CPNE8: variants seen among roughly 807,000 people sequenced by gnomAD.
CPNE8 encodes the protein copine 8.
In CPNE8, 45 loss-of-function variants were observed where a neutral mutation model predicts 81.5. The observed-to-expected ratio is 0.55, with a 90% CI of 0.44 to 0.71. The LOEUF (loss-of-function observed/expected upper bound fraction) is 0.71, where lower values mean the gene tolerates loss of function less well. Ranked by LOEUF, CPNE8 falls within the 30% of genes least tolerant of loss-of-function variation. The pLI is 0.00. For synonymous variants in CPNE8, 252 were observed against 226.3 expected, an observed-to-expected ratio of 1.11 and a Z score of -1.02; for missense variants, 594 against 672.1, an observed-to-expected ratio of 0.88 and a Z score of 1.28.
chr12:38,698,553 T>A (rs533195616), intron 14 of CPNE8, among the ~76,000 whole-genome samples: 31 of 152,346 alleles, frequency 2.0e-4, no homozygotes, highest in Middle Eastern at 3.4e-3. Context: ...CATTTAAGTA[T>A]TTGATCCATT....
At position 38,871,656 on chromosome 12, in the gene CPNE8, G is replaced by T. The variant is rs143313133; in HGVS notation, c.186+1348C>A. 8.3e-4 allele frequency among the ~76,000 whole-genome samples: 126 copies of T among 152,306 alleles called. 1 individual carries two copies. The highest frequency in any genetic ancestry group is 2.9e-3 in the African/African-American group (121 of 41,570). ...ATGGATTTTTCTTTTTTATGAAAGA[G>T]AATTCATAGCACTGGATGACATTAA... On this transcript the variant is annotated intron_variant, in intron 3 of 19. Coordinates refer to ENST00000331366, the MANE Select transcript of CPNE8 (RefSeq NM_153634.3).
rs1592003984 is a variant in CPNE8 at position 38,677,528 on chromosome 12, G to C, written c.1298C>G (p.Ser433Cys). 2 of 1,611,686 alleles carry C rather than the reference G, an allele frequency of 1.2e-6. No individual in the cohort carries two copies. The highest frequency in any genetic ancestry group is 1.7e-6 in the Non-Finnish European group (2 of 1,178,518). Residue 433 changes from serine (S) to cysteine (C), a missense_variant, in exon 17 of 20, where the codon TCC becomes TGC. Ser to Cys is a moderately radical substitution (Grantham distance 112). Coordinates refer to ENST00000331366, the MANE Select transcript of CPNE8 (RefSeq NM_153634.3). ...ARYASSVKDGSQYFVLLIVTD... is the reference protein window; with the variant it reads ...ARYASSVKDGCQYFVLLIVTD... Reference sequence around the variant, plus strand: ...AACAATCAGAAGCACAAAATACTGGGAGCCATCCTTTACAGAAGAAGCATA... The same window carrying C: ...AACAATCAGAAGCACAAAATACTGGCAGCCATCCTTTACAGAAGAAGCATA...
At chr12:38,659,419 G>T (rs1054763769) in intron 19 of CPNE8, among the ~76,000 whole-genome samples, 1 of 152,034 alleles carries the variant, frequency 6.6e-6, no homozygotes, top group East Asian at 1.9e-4. Flanking sequence ...AGAGACCTAC[G>T]AAGAGACTTA....
intron 3 of CPNE8, among the ~76,000 whole-genome samples, chr12:38,869,912 A>T (rs1943966274): frequency 6.6e-6 from 1 of 152,216 alleles, no homozygotes; most frequent in African/African-American, 2.4e-5. Context: ...ATATTATGCC[A>T]TTTCTCATAA....
intron 16 of CPNE8, among the ~76,000 whole-genome samples, chr12:38,678,744 A>C (rs1292879800): frequency 6.6e-6 from 1 of 151,920 alleles, no homozygotes; most frequent in Non-Finnish European, 1.5e-5. Context: ...CTACTAATAA[A>C]ATACTGGTAA....
At chr12:38,726,462 C>G (rs1940699910) in intron 11 of CPNE8, 1 of 152,044 alleles carries the variant, frequency 6.6e-6, no homozygotes, top group African/African-American at 2.4e-5. Flanking sequence ...CTGGCAAGAT[C>G]ACAAATTTTT....
chr12:38,661,000 A>T (rs1938939400), intron 19 of CPNE8, among the ~76,000 whole-genome samples: 2 of 152,226 alleles, frequency 1.3e-5, no homozygotes, highest in Admixed American at 1.3e-4. Context: ...ATGTTTTTAC[A>T]CTGTTGGTGG....
intron 8 of CPNE8, among the ~76,000 whole-genome samples, chr12:38,765,410 T>C (rs1941667158): frequency 6.6e-6 from 1 of 152,200 alleles, no homozygotes. Flanking sequence ...AATATCACGC[T>C]ACTAAATAAA....
chr12:38,652,671 G>A lies in CPNE8; in HGVS notation c.*1211C>T, dbSNP rs922593764. The A allele has an allele frequency of 6.6e-6, 1 of 152,510 alleles. No homozygotes were observed. The allele number at this position is 152,510 out of a possible 1,614,324, so 9.4% of individuals were successfully genotyped here. A position where few individuals can be genotyped will look rare whatever the true frequency, so the allele number is the denominator to read the frequency against. Reference sequence around the variant, plus strand: ...ATTCACAATCATTTCCAGGAATTCCGTGAGAATTTAAGGCCATTTGTTCTA... The same window carrying A: ...ATTCACAATCATTTCCAGGAATTCCATGAGAATTTAAGGCCATTTGTTCTA... On this transcript the variant is annotated 3_prime_UTR_variant, in exon 20 of 20. Coordinates refer to ENST00000331366, the MANE Select transcript of CPNE8 (RefSeq NM_153634.3).
chr12:38,679,735 ATGT>A lies in CPNE8; in HGVS notation c.1272-2184_1272-2182del, dbSNP rs1372107886. The A allele has an allele frequency of 3.1e-6, 3 of 973,722 alleles. No individual in the cohort carries two copies. In the African/African-American group the frequency reaches 5.3e-5, roughly 17 times the overall value. 60.3% of individuals were successfully genotyped at this position (973,722 alleles called of 1,614,324 possible). A position where few individuals can be genotyped will look rare whatever the true frequency, so the allele number is the denominator to read the frequency against. On this transcript the variant is annotated intron_variant, in intron 16 of 19. Coordinates refer to ENST00000331366, the MANE Select transcript of CPNE8 (RefSeq NM_153634.3). Reference sequence around the variant, plus strand: ...TAAATCTAAATTTCAAACAAAATCAATGTTGTATTACCATTTATTCTACTTAGC... The same window carrying A: ...TAAATCTAAATTTCAAACAAAATCAATGTATTACCATTTATTCTACTTAGC...
chr12:38,798,380 G>A (rs866083615), intron 6 of CPNE8, among the ~76,000 whole-genome samples: 2 of 152,182 alleles, frequency 1.3e-5, no homozygotes, highest in Non-Finnish European at 2.9e-5. Context: ...CCAGAAGACA[G>A]TGGGGGCCAA....
chr12:38,819,501 C>T (rs959131328), intron 6 of CPNE8, among the ~76,000 whole-genome samples: 2 of 152,070 alleles, frequency 1.3e-5, no homozygotes, highest in Admixed American at 6.6e-5. Context: ...GGCGCGGTGG[C>T]TCACGTCTGT....
At chr12:38,793,576 A>G (rs1942379682) in intron 6 of CPNE8, among the ~76,000 whole-genome samples, 1 of 152,018 alleles carries the variant, frequency 6.6e-6, no homozygotes, top group Admixed American at 6.6e-5. Flanking sequence ...AAAGGCACAG[A>G]TAAATGTTAA....
intron 1 of CPNE8, among the ~76,000 whole-genome samples, chr12:38,900,668 G>C (rs1944447775): frequency 6.6e-6 from 1 of 151,570 alleles, no homozygotes; most frequent in African/African-American, 2.4e-5. Flanking sequence ...GAGGAGTTTG[G>C]TTGTCTAGGA....
intron 7 of CPNE8, among the ~76,000 whole-genome samples, chr12:38,769,900 C>T (rs1160177642): frequency 6.6e-6 from 1 of 151,946 alleles, no homozygotes; most frequent in African/African-American, 2.4e-5. Context: ...ATTATATAAC[C>T]TTAGGAAAAA....
chr12:38,874,342 T>C (rs968260111), intron 2 of CPNE8, 129 bp downstream of exon 2: 5 of 672,418 alleles, frequency 7.4e-6, no homozygotes, highest in Non-Finnish European at 1.3e-5. Context: ...TTGATGAGTA[T>C]GTAGGGCTTG....
chr12:38,775,729 C>T (rs1328795425), intron 7 of CPNE8, among the ~76,000 whole-genome samples: 1 of 152,168 alleles, frequency 6.6e-6, no homozygotes, highest in African/African-American at 2.4e-5. Context: ...AGTCATACTG[C>T]TAGCTGTAGT....
Position 38,697,208 on chromosome 12 carries a change from G to T in CPNE8, c.962-3370C>A, listed in dbSNP as rs547866791. Reference sequence around the variant, plus strand: ...CCCTAGCCCTAAATAATCACTAATCGTCTTTTTGTCTCCATTGATTTGTCT... The same window carrying T: ...CCCTAGCCCTAAATAATCACTAATCTTCTTTTTGTCTCCATTGATTTGTCT... On this transcript the variant is annotated intron_variant, in intron 14 of 19. Coordinates refer to ENST00000331366, the MANE Select transcript of CPNE8 (RefSeq NM_153634.3). 6.6e-5 allele frequency among the ~76,000 whole-genome samples: 10 copies of T among 152,150 alleles called. No homozygotes were observed. The South Asian group carries it at 2.1e-3, about 32-fold the overall frequency.
intron 6 of CPNE8, among the ~76,000 whole-genome samples, chr12:38,795,264 A>G (rs912897528): frequency 1.1e-4 from 17 of 152,164 alleles, no homozygotes. Flanking sequence ...TCATGTATAC[A>G]TATATATCCT....
Sources: allele counts gnomAD v4.1 joint callset (sites outside exome capture counted in the v4.1 genomes callset), GRCh38; gene constraint gnomAD v4.1.1; transcripts MANE v1.5; gene names NCBI Gene and HGNC (gene_info 2026-07-23, HGNC 2026-07-21).